Variants in MBOAT1 observed in about 807,000 individuals in gnomAD.
MBOAT1 encodes membrane bound glycerophospholipid O-acyltransferase 1, also known as membrane-bound glycerophospholipid O-acyltransferase 1.
A neutral mutation model predicts 64.4 loss-of-function variants in MBOAT1; 67 were observed. That is an observed-to-expected ratio of 1.04 (90% CI 0.85 to 1.27). MBOAT1 has a LOEUF of 1.27. Ranked by LOEUF, MBOAT1 falls within the 50% of genes most tolerant of loss-of-function variation. The pLI is 0.00. For missense variants in MBOAT1, 563 were observed against 604.6 expected, an observed-to-expected ratio of 0.93 and a Z score of 0.72; for synonymous variants, 229 against 218.9, an observed-to-expected ratio of 1.05 and a Z score of -0.41.
At chr6:20,200,629 C>T (rs1356558836) in intron 1 of MBOAT1, among the ~76,000 whole-genome samples, 1 of 152,226 alleles carries the variant, frequency 6.6e-6, no homozygotes, top group East Asian at 1.9e-4. Context: ...CCCAAGTCTT[C>T]GGCCTCCCCC....
At chr6:20,193,153 C>A (rs1762856388) in intron 1 of MBOAT1, among the ~76,000 whole-genome samples, 1 of 151,324 alleles carries the variant, frequency 6.6e-6, no homozygotes, top group Admixed American at 6.6e-5. Context: ...CTACAGGTGC[C>A]CGCCACCGCG....
chr6:20,152,797 C>A (rs751857321), intron 1 of MBOAT1, 28 bp from the exon 2 acceptor site: 3 of 1,583,280 alleles, frequency 1.9e-6, no homozygotes, highest in South Asian at 2.3e-5. Flanking sequence ...AAAATAAAAA[C>A]CTTTGTGTGA....
chr6:20,209,862 G>A (rs943885483), intron 1 of MBOAT1, among the ~76,000 whole-genome samples: 1 of 152,194 alleles, frequency 6.6e-6, no homozygotes, highest in African/African-American at 2.4e-5. Context: ...AGATGGAAGG[G>A]CTACAAGGTA....
intron 8 of MBOAT1, among the ~76,000 whole-genome samples, chr6:20,121,892 C>T (rs1366572811): frequency 6.6e-6 from 1 of 152,166 alleles, no homozygotes; most frequent in East Asian, 1.9e-4. Context: ...TGGCCAGGAA[C>T]AGTGGCTCAT....
chr6:20,150,281 CAT>C (rs202012939), intron 3 of MBOAT1, among the ~76,000 whole-genome samples: 7 of 151,710 alleles, frequency 4.6e-5, no homozygotes, highest in East Asian at 3.9e-4. Flanking sequence ...TACAATTTAA[CAT>C]ATATATATAT....
At chr6:20,109,482 T>G in intron 12 of MBOAT1, 116 bp downstream of exon 12, 1 of 1,288,488 alleles carries the variant, frequency 7.8e-7, no homozygotes, top group Non-Finnish European at 1.1e-6. Flanking sequence ...CTTCCCACAC[T>G]GAAGCCCCAG....
chr6:20,202,459 G>C (rs10447378), intron 1 of MBOAT1, among the ~76,000 whole-genome samples: 82,820 of 151,988 alleles, frequency 0.54, 24,527 homozygotes, highest in Non-Finnish European at 0.66. Context: ...ACTTTAAACT[G>C]TTCAAGGTGA....
intron 4 of MBOAT1, among the ~76,000 whole-genome samples, chr6:20,140,220 C>T (rs1052772205): frequency 1.3e-5 from 2 of 152,222 alleles, no homozygotes; most frequent in African/African-American, 4.8e-5. Context: ...ACATTTAATT[C>T]AATGGCAATT....
intron 5 of MBOAT1, 101 bp from the exon 6 acceptor site, chr6:20,128,854 G>T: frequency 3.8e-6 from 3 of 796,014 alleles, no homozygotes; most frequent in Non-Finnish European, 3.9e-6. Flanking sequence ...GGTAATCTTT[G>T]TTTGCTTCAT....
chr6:20,165,574 C>A (rs1761992781), intron 1 of MBOAT1, among the ~76,000 whole-genome samples: 1 of 152,010 alleles, frequency 6.6e-6, no homozygotes, highest in Non-Finnish European at 1.5e-5. Flanking sequence ...GAAACCCCAT[C>A]TCTACTAAAA....
intron 1 of MBOAT1, 127 bp downstream of exon 1, chr6:20,212,009 C>T: frequency 1.5e-6 from 1 of 680,930 alleles, no homozygotes; most frequent in Non-Finnish European, 2.4e-6. Context: ...CACACAAAAA[C>T]CAACTGTCTA....
At chr6:20,131,264 C>T (rs1490887885) in intron 4 of MBOAT1, 65 bp from the exon 5 acceptor site, 4 of 1,415,264 alleles carry the variant, frequency 2.8e-6, no homozygotes, top group Non-Finnish European at 4.0e-6. Context: ...TGGCTGTGCC[C>T]CCACCCAAAT....
chr6:20,117,548 G>A (rs1002890765), intron 9 of MBOAT1, among the ~76,000 whole-genome samples: 13 of 152,194 alleles, frequency 8.5e-5, no homozygotes, highest in African/African-American at 3.1e-4. Context: ...TCAGGCAAAA[G>A]ATGTTGGGGG....
At chr6:20,192,214 A>T (rs1762821663) in intron 1 of MBOAT1, among the ~76,000 whole-genome samples, 1 of 152,028 alleles carries the variant, frequency 6.6e-6, no homozygotes, top group Non-Finnish European at 1.5e-5. Context: ...TTCAGATTAG[A>T]TTTCCACCCT....
At chr6:20,144,414 G>T in intron 3 of MBOAT1, 99 bp from the exon 4 acceptor site, 3 of 791,336 alleles carry the variant, frequency 3.8e-6, no homozygotes, top group Non-Finnish European at 6.3e-6. Context: ...ACGTGCAGTT[G>T]GTCACAATGT....
intron 10 of MBOAT1, among the ~76,000 whole-genome samples, chr6:20,113,814 A>G (rs1264582931): frequency 1.3e-5 from 2 of 150,946 alleles, no homozygotes; most frequent in Non-Finnish European, 3.0e-5. Context: ...TAATAAAAAT[A>G]TATAATAAAA....
At chr6:20,118,180 G>A (rs149569054) in intron 9 of MBOAT1, among the ~76,000 whole-genome samples, 21 of 152,088 alleles carry the variant, frequency 1.4e-4, no homozygotes, top group African/African-American at 4.6e-4. Context: ...AAGATTTTCC[G>A]GGCTCTTTTT....
intron 1 of MBOAT1, among the ~76,000 whole-genome samples, chr6:20,174,753 AG>A (rs1762294164): frequency 6.6e-6 from 1 of 152,234 alleles, no homozygotes; most frequent in South Asian, 2.1e-4. Context: ...GGTCCTTCAT[AG>A]ACCAAAACGT....
At chr6:20,176,271 G>A (rs1039783439) in intron 1 of MBOAT1, among the ~76,000 whole-genome samples, 1 of 145,408 alleles carries the variant, frequency 6.9e-6, no homozygotes, top group Non-Finnish European at 1.5e-5. Context: ...GCAACAAAGT[G>A]AGACCCTGTC....
Sources: allele counts gnomAD v4.1 joint callset (sites outside exome capture counted in the v4.1 genomes callset), GRCh38; gene constraint gnomAD v4.1.1; transcripts MANE v1.5; gene names NCBI Gene and HGNC (gene_info 2026-07-23, HGNC 2026-07-21).